ARX: variants seen among roughly 807,000 people sequenced by gnomAD.
The protein encoded by ARX is homeobox protein ARX.
A neutral mutation model predicts 23.1 loss-of-function variants in ARX; 1 was observed. That is an observed-to-expected ratio of 0.04 (90% CI 0.02 to 0.21). The LOEUF is 0.21. Among genes scored for constraint, ARX ranks in the 10% least tolerant of loss-of-function variants. The probability of loss-of-function intolerance (pLI) is 1.00; values close to 1 mark genes in which losing one functional copy is unlikely to be tolerated. For missense variants in ARX, 380 were observed against 527.5 expected (o/e 0.72, Z 2.74); for synonymous variants, 301 against 270.1 (o/e 1.11, Z -1.12).
Position 25,013,136 on chromosome X carries a change from C to T in ARX, c.859G>A (p.Gly287Arg). The T allele has an allele frequency of 1.7e-6, 2 of 1,201,464 alleles. No individual in the cohort carries two copies. Among genetic ancestry groups the T allele is most frequent in the East Asian group, 6.0e-5 (2 of 33,436 alleles). Residue 287 changes from glycine (G) to arginine (R), a missense_variant, in exon 2 of 5, where the codon GGG (glycine) becomes AGG (arginine). Gly to Arg is a moderately radical substitution (Grantham distance 125, BLOSUM62 -2). Coordinates refer to ENST00000379044, the MANE Select transcript of ARX (RefSeq NM_139058.3). Reference protein sequence around the residue: ...AAAAAVATEGGELSPKEELLL... With the variant: ...AAAAAVATEGRELSPKEELLL... Reference sequence around the variant, plus strand: ...AGCTCCTCCTTGGGTGACAGCTCCCCGCCCTCTGTGGCCACTGCAGCGGCA... The same window carrying T: ...AGCTCCTCCTTGGGTGACAGCTCCCTGCCCTCTGTGGCCACTGCAGCGGCA...
In ARX at chrX:25,010,834, C is replaced by T. The variant is rs113986447; in HGVS notation, c.1074-529G>A. Among the ~76,000 whole-genome samples the T allele has an allele frequency of 1.5e-3, 171 of 110,960 alleles. 1 individual carries two copies. The highest frequency in any genetic ancestry group is 5.3e-3 in the African/African-American group (162 of 30,445). Reference sequence around the variant, plus strand: ...TGCCTTTCCCTCCATCTCTCTCTCCCCCGCCTTCCTCCCTCCATCATCCCC... The same window carrying T: ...TGCCTTTCCCTCCATCTCTCTCTCCTCCGCCTTCCTCCCTCCATCATCCCC... On this transcript the variant is annotated intron_variant, in intron 2 of 4. Transcript: ENST00000379044.
chrX:25,009,548 C>T (rs1311673281), intron 3 of ARX, among the ~76,000 whole-genome samples: 1 of 111,748 alleles, frequency 8.9e-6, no homozygotes, highest in Non-Finnish European at 1.9e-5. Flanking sequence ...CACTCAGCTC[C>T]TAACTCGGGG....
At chrX:25,011,837 A>ACGTCTCCTTCGAAGGAACTGCC (rs2048703655) in intron 2 of ARX, among the ~76,000 whole-genome samples, 1 of 112,828 alleles carries the variant, frequency 8.9e-6, no homozygotes, top group East Asian at 2.8e-4. Context: ...AAAGCTGCGC[A>ACGTCTCCTTCGAAGGAACTGCC]CGTCTCCTTC....
chrX:25,008,263 C>T (rs1240616994), intron 3 of ARX, among the ~76,000 whole-genome samples: 4 of 112,892 alleles, frequency 3.5e-5, no homozygotes, highest in South Asian at 7.3e-4. Context: ...TGCAGGAAGG[C>T]ACTGACTACA....
In ARX at chrX:25,007,248, G is replaced by A. The variant is rs1307707269; in HGVS notation, c.1311C>T (p.Ala437=). The A allele has an allele frequency of 1.8e-6, 2 of 1,119,933 alleles. No homozygotes were observed. Among genetic ancestry groups the A allele is most frequent in the Admixed American group, 6.3e-5 (2 of 31,958 alleles). 92.3% of individuals were successfully genotyped at this position (1,119,933 alleles called of 1,213,427 possible). A position where few individuals can be genotyped will look rare whatever the true frequency, so the allele number is the denominator to read the frequency against. ...DSAWTAAAAA[A]AAAFPSLPPP... Reference sequence around the variant, plus strand: ...GAGGTAGGCTCGGGAAGGCGGCGGCGGCGGCGGCGGCAGCGGCAGTCCAAG... The same window carrying A: ...GAGGTAGGCTCGGGAAGGCGGCGGCAGCGGCGGCGGCAGCGGCAGTCCAAG... Residue 437 remains alanine, a synonymous_variant, in exon 4 of 5, where the codon GCC becomes GCT. Transcript: ENST00000379044.
chrX:25,010,360 C>T (rs2048697190), intron 2 of ARX, 55 bp from the exon 3 acceptor site: 2 of 1,178,719 alleles, frequency 1.7e-6, no homozygotes, highest in South Asian at 3.6e-5. Flanking sequence ...GCAATGCCCT[C>T]TCAGCTATTT....
At position 25,004,566 on chromosome X, in the gene ARX, C is replaced by G. The variant is rs933722312; in HGVS notation, c.*104G>C. 50 of 1,128,674 alleles carry G rather than the reference C, an allele frequency of 4.4e-5. No individual in the cohort carries two copies. The highest frequency in any genetic ancestry group is 5.8e-5 in the Non-Finnish European group (49 of 850,115). 93.0% of individuals were successfully genotyped at this position (1,128,674 alleles called of 1,213,427 possible). ...GAAGGCGGCTGCGCTCTCTCAGTGC[C>G]GTCTCGGGAGTGTGCTGGTCCTCTG... On this transcript the variant is annotated 3_prime_UTR_variant, in exon 5 of 5. Coordinates refer to ENST00000379044, the MANE Select transcript of ARX (RefSeq NM_139058.3).
intron 2 of ARX, 49 bp downstream of exon 2, chrX:25,012,873 C>T: frequency 8.5e-7 from 1 of 1,181,169 alleles, no homozygotes; most frequent in Non-Finnish European, 1.1e-6. Flanking sequence ...CTCCCTGGGG[C>T]CCGCGTGCGC....
Position 25,015,624 on chromosome X carries a change from C to A in ARX, c.114G>T (p.Pro38=). The A allele has an allele frequency of 8.3e-7, 1 of 1,209,617 alleles. No homozygotes were observed. The highest frequency in any genetic ancestry group is 1.1e-6 in the Non-Finnish European group (1 of 894,355). Residue 38 remains proline, a synonymous_variant, in exon 1 of 5, where the codon CCG becomes CCT. Transcript: ENST00000379044. ...CGGCTCCCAGCAACCGCATTTTGCACGGGCTCCTCCGGCCCAGGATGCTGT... is the reference window on the plus strand; with the variant it reads ...CGGCTCCCAGCAACCGCATTTTGCAAGGGCTCCTCCGGCCCAGGATGCTGT... The part of the protein sequence containing the change: ...CIDSILGRRS[P]CKMRLLGAAQ...
At chrX:25,008,351 G>A (rs1479741609) in intron 3 of ARX, among the ~76,000 whole-genome samples, 3 of 112,967 alleles carry the variant, frequency 2.7e-5, no homozygotes, top group Non-Finnish European at 3.7e-5. Context: ...CATCTTCAGA[G>A]CTAACAAGTC....
chrX:25,009,442 C>G (rs2048692690), intron 3 of ARX, among the ~76,000 whole-genome samples: 1 of 111,927 alleles, frequency 8.9e-6, no homozygotes, highest in African/African-American at 3.3e-5. Context: ...CAGGCCTCAT[C>G]ATTAGCCCTC....
intron 2 of ARX, among the ~76,000 whole-genome samples, chrX:25,011,390 G>T (rs926102922): frequency 2.7e-5 from 3 of 112,168 alleles, no homozygotes; most frequent in Non-Finnish European, 5.6e-5. Context: ...CGGGGAAGAG[G>T]AGCTGCCCCT....
Position 25,015,726 on chromosome X carries a change from C to A in ARX, c.12G>T (p.Gln4His). The A allele has an allele frequency of 8.3e-7, 1 of 1,198,259 alleles. No individual in the cohort carries two copies. Among genetic ancestry groups the A allele is most frequent in the Non-Finnish European group, 1.1e-6 (1 of 887,304 alleles). Residue 4 changes from glutamine (Q) to histidine (H), a missense_variant, in exon 1 of 5, where the codon CAG becomes CAT. By Grantham distance (24) the Gln-to-His change is conservative. Coordinates refer to ENST00000379044, the MANE Select transcript of ARX (RefSeq NM_139058.3). ...TCTCGGAGCAGCCCTCCTCCTGGTA[C>A]TGATTGCTCATGGCTGGGGCTTTTT... is the stretch of plus-strand genomic sequence containing the variant. The part of the protein sequence containing the change: MSN[Q>H]YQEEGCSERP...
chrX:25,004,737 T>A lies in ARX; in HGVS notation c.1622A>T (p.Glu541Val). Residue 541 changes from glutamate (E) to valine (V), a missense_variant, in exon 5 of 5, where the codon GAG (glutamate) becomes GTG (valine). By Grantham distance (121) the Glu-to-Val change is moderately radical (BLOSUM62 -2). Around this residue, in one of 3 missense-constraint regions of ARX, gnomAD observed 121 missense variants for 169.7 expected, o/e 0.71. Coordinates refer to ENST00000379044, the MANE Select transcript of ARX (RefSeq NM_139058.3). ...SIAALRLKAK[E>V]HAAQLTQLNI... ...GAGCTGCGTGAGCTGCGCCGCGTGC[T>A]CCTTGGCCTTGAGCCTCAGCGCGGC... 8.6e-7 allele frequency: 1 copy of A among 1,166,853 alleles called. No individual in the cohort carries two copies. Among genetic ancestry groups the A allele is most frequent in the Non-Finnish European group, 1.1e-6 (1 of 873,236 alleles).
At chrX:25,011,166 G>A (rs1003424363) in intron 2 of ARX, among the ~76,000 whole-genome samples, 1 of 112,383 alleles carries the variant, frequency 8.9e-6, no homozygotes, top group South Asian at 3.8e-4. Flanking sequence ...GAGCGGGGCC[G>A]CCGAAGCCTG....
At position 25,011,835 on chromosome X, in the gene ARX, G is replaced by A. The variant is rs1375041348; in HGVS notation, c.1073+1087C>T. Among the ~76,000 whole-genome samples the A allele has an allele frequency of 6.2e-5, 7 of 112,927 alleles. No homozygotes were observed. The Admixed American group carries it at 6.5e-4, about 10-fold the overall frequency. ...TCTAAAATGCACATTGAAAAGCTGC[G>A]CACGTCTCCTTCGAAGGAACTGCCC... is the stretch of plus-strand genomic sequence containing the variant. On this transcript the variant is annotated intron_variant, in intron 2 of 4. Coordinates refer to ENST00000379044, the MANE Select transcript of ARX (RefSeq NM_139058.3).
At chrX:25,007,565 G>T in intron 3 of ARX, 126 bp from the exon 4 acceptor site, 2 of 881,630 alleles carry the variant, frequency 2.3e-6, no homozygotes, top group Non-Finnish European at 1.5e-6. Flanking sequence ...GCGCCCACCT[G>T]CCCCTCTTTG....
rs748996403 is a variant in ARX at position 25,015,963 on chromosome X, A to G, written c.-226T>C. On this transcript the variant is annotated 5_prime_UTR_variant, in exon 1 of 5. Transcript: ENST00000379044. The stretch of plus-strand genomic sequence containing the variant: ...GCTCAGGACAAGCGGTAACAAGTGT[A>G]GTGAGCAGCGGGCGCTGAGCTCTGG... The G allele has an allele frequency of 7.7e-5, 33 of 431,260 alleles. No individual in the cohort carries two copies. Among genetic ancestry groups the G allele is most frequent in the Non-Finnish European group, 1.1e-4 (26 of 245,585 alleles). 35.5% of individuals were successfully genotyped at this position (431,260 alleles called of 1,213,427 possible).
intron 2 of ARX, among the ~76,000 whole-genome samples, chrX:25,011,120 CG>C (rs1400409152): frequency 8.9e-6 from 1 of 112,286 alleles, no homozygotes; most frequent in Non-Finnish European, 1.9e-5. Flanking sequence ...ATGACCGCGC[CG>C]AGAATAATTG....
Sources: gnomAD v4.1 joint callset for allele counts (sites outside exome capture counted in the v4.1 genomes callset) on GRCh38, gnomAD v4.1.1 for gene constraint, gnomAD v4.1.1 regional missense constraint, MANE v1.5 for transcripts, NCBI Gene and HGNC (gene_info 2026-07-23, HGNC 2026-07-21) for gene names.